SLC2A7: variants seen among roughly 807,000 people sequenced by gnomAD.
SLC2A7 encodes solute carrier family 2, facilitated glucose transporter member 7.
Under a neutral mutation model 50.5 loss-of-function variants are expected in SLC2A7, and 50 were observed. The observed-to-expected ratio is 0.99, with a 90% CI of 0.79 to 1.25. The LOEUF is 1.25. Ranked by LOEUF, SLC2A7 falls within the 50% of genes most tolerant of loss-of-function variation. The probability of loss-of-function intolerance (pLI) is 0.00; values close to 1 mark genes in which losing one functional copy is unlikely to be tolerated. For synonymous variants in SLC2A7, 308 were observed against 300.4 expected (o/e 1.03, Z -0.26); for missense variants, 683 against 679.1 (o/e 1.01, Z -0.06).
intron 5 of SLC2A7, 31 bp downstream of exon 5, chr1:9,018,192 A>G: frequency 6.2e-7 from 1 of 1,613,470 alleles, no homozygotes; most frequent in African/African-American, 1.3e-5. Flanking sequence ...GAGAGACTGG[A>G]CCTAGCGTGA....
chr1:9,024,018 G>A (rs971625145), intron 2 of SLC2A7, among the ~76,000 whole-genome samples: 6 of 151,770 alleles, frequency 4.0e-5, no homozygotes, highest in African/African-American at 1.2e-4. Context: ...ACCATGCCTG[G>A]CTAATTTTTG....
In SLC2A7 at chr1:9,003,741, C is replaced by T. The variant is rs1640609785; in HGVS notation, c.1321-223G>A. Among the ~76,000 whole-genome samples, 2 of 152,032 alleles carry T rather than the reference C, an allele frequency of 1.3e-5. 1 individual carries two copies. Among genetic ancestry groups the T allele is most frequent in the South Asian group, 4.2e-4 (2 of 4,816 alleles). On this transcript the variant is annotated intron_variant, in intron 11 of 11. Coordinates refer to ENST00000400906, the MANE Select transcript of SLC2A7 (RefSeq NM_207420.3). ...AGCATGGTGGTGTACACCTGTAATC[C>T]CAGCTACTTGGGAGTCTGAGGCAGG...
In SLC2A7 at chr1:9,009,543, A is replaced by G. The variant is rs945876252; in HGVS notation, c.1116+600T>C. On this transcript the variant is annotated intron_variant, in intron 9 of 11. Coordinates refer to ENST00000400906, the MANE Select transcript of SLC2A7 (RefSeq NM_207420.3). ...GCGATCATGGCTCACTGCAGCCTTG[A>G]CCTCCCAGGCTCAGGTGATCCTCCC... Among the ~76,000 whole-genome samples, 10 of 152,222 alleles carry G rather than the reference A, an allele frequency of 6.6e-5. No individual in the cohort carries two copies. In the East Asian group the frequency reaches 1.9e-3, roughly 29 times the overall value.
chr1:9,004,826 C>G lies in SLC2A7; in HGVS notation c.1246G>C (p.Ala416Pro), dbSNP rs764958922. 2.5e-6 allele frequency: 4 copies of G among 1,614,090 alleles called. No individual in the cohort carries two copies. Among genetic ancestry groups the G allele is most frequent in the Non-Finnish European group, 2.5e-6 (3 of 1,179,970 alleles). Reference protein sequence around the residue: ...TEIFLQSSRRAAFMVDGAVHW... With the variant: ...TEIFLQSSRRPAFMVDGAVHW... ...ACTGCCCCGTCCACCATGAAAGCTGCCCGCCGGGAGGACTGCAGGAAGATC... is the reference window on the plus strand; with the variant it reads ...ACTGCCCCGTCCACCATGAAAGCTGGCCGCCGGGAGGACTGCAGGAAGATC... Residue 416 changes from alanine to proline, a missense_variant, in exon 11 of 12, where the codon GCA becomes CCA. By Grantham distance (27) the Ala-to-Pro change is conservative. Transcript: ENST00000400906.
At chr1:9,019,850 G>C (rs1467128346) in intron 3 of SLC2A7, among the ~76,000 whole-genome samples, 1 of 152,108 alleles carries the variant, frequency 6.6e-6, no homozygotes, top group Non-Finnish European at 1.5e-5. Context: ...CTTGAATCCG[G>C]GAGGCAGAGG....
intron 9 of SLC2A7, 21 bp from the exon 10 acceptor site, chr1:9,007,406 G>C (rs1340196461): frequency 2.5e-6 from 4 of 1,613,244 alleles, no homozygotes; most frequent in East Asian, 2.2e-5. Context: ...AGGCAGGGCT[G>C]TCTGGGCTGA....
At chr1:9,001,710 G>A (rs1438047643), downstream of SLC2A7, among the ~76,000 whole-genome samples, 2 of 152,054 alleles carry the variant, frequency 1.3e-5, no homozygotes, top group Admixed American at 6.6e-5. Context: ...GAGTCACCAC[G>A]CCCGGCACTG....
Position 9,018,243 on chromosome 1 carries a change from G to T in SLC2A7, c.569C>A (p.Ala190Asp). Residue 190 changes from alanine to aspartate, a missense_variant, in exon 5 of 12, where the codon GCC becomes GAC. Transcript: ENST00000400906. ...GTTACCTGCCGGGTTGCCCAAGATG[G>T]CCTGGAGGCTGAAGATCTGTGCTAG... ...VFLAQIFSLQ[A>D]ILGNPAGWPV... 1 of 1,614,120 alleles carries T rather than the reference G, an allele frequency of 6.2e-7. No individual in the cohort carries two copies. Among genetic ancestry groups the T allele is most frequent in the Non-Finnish European group, 8.5e-7 (1 of 1,180,024 alleles).
In SLC2A7 at chr1:9,003,255, A is replaced by G. The variant is rs368633416; in HGVS notation, c.*45T>C. The G allele has an allele frequency of 2.5e-6, 4 of 1,592,078 alleles. No individual in the cohort carries two copies. In the African/African-American group the frequency reaches 5.4e-5, roughly 22 times the overall value. On this transcript the variant is annotated 3_prime_UTR_variant, in exon 12 of 12. Transcript: ENST00000400906. The stretch of plus-strand genomic sequence containing the variant: ...CTGGGGCCGGGAGGCCCATTGTCAT[A>G]GAAGGAAGCCTTGAATATGGGCTCC...
intron 2 of SLC2A7, among the ~76,000 whole-genome samples, chr1:9,023,921 T>A (rs1465352351): frequency 7.3e-6 from 1 of 136,804 alleles, no homozygotes; most frequent in African/African-American, 2.7e-5. Context: ...AGTGGCATGA[T>A]CTTGGCTCAC....
chr1:9,001,802 C>T (rs1640578884), downstream of SLC2A7, among the ~76,000 whole-genome samples: 1 of 152,118 alleles, frequency 6.6e-6, no homozygotes, highest in South Asian at 2.1e-4. Context: ...GTCTTACTCC[C>T]TTGCCTGTGG....
At chr1:8,996,237 G>T in the SLC2A7 span, among the ~76,000 whole-genome samples, 1 of 152,118 alleles carries the variant, frequency 6.6e-6, no homozygotes, top group East Asian at 1.9e-4. Flanking sequence ...AGATTAGTTT[G>T]CATTTTCTGG....
intron 2 of SLC2A7, among the ~76,000 whole-genome samples, chr1:9,023,744 T>TA (rs1054654800): frequency 1.6e-4 from 20 of 122,750 alleles, no homozygotes; most frequent in South Asian, 2.9e-4. Context: ...CTGTCTCTAT[T>TA]AAAAAAGAAG....
downstream of SLC2A7, among the ~76,000 whole-genome samples, chr1:9,000,916 C>A (rs556205574): frequency 2.9e-4 from 44 of 152,184 alleles, no homozygotes; most frequent in African/African-American, 1.1e-3. Context: ...GACAGCTCTG[C>A]TCCTGGGCCT....
chr1:8,992,655 T>G, the SLC2A7 span, among the ~76,000 whole-genome samples: 862 of 152,324 alleles, frequency 5.7e-3, 12 homozygotes, highest in African/African-American at 0.02. Flanking sequence ...CACACAAGTT[T>G]TAGCAACACA....
chr1:9,023,138 A>C, intron 2 of SLC2A7, 60 bp from the exon 3 acceptor site: 2 of 1,545,846 alleles, frequency 1.3e-6, no homozygotes, highest in Non-Finnish European at 1.8e-6. Context: ...GAAATGAGAA[A>C]GTGTTCTCAG....
chr1:9,001,419 A>ATT (rs767748961), downstream of SLC2A7, among the ~76,000 whole-genome samples: 72 of 124,296 alleles, frequency 5.8e-4, no homozygotes, highest in East Asian at 9.4e-4. Flanking sequence ...TGCAGGTGCT[A>ATT]TTTTTTTTTT....
intron 5 of SLC2A7, among the ~76,000 whole-genome samples, chr1:9,017,654 T>C (rs1480142482): frequency 1.3e-5 from 2 of 152,246 alleles, no homozygotes; most frequent in African/African-American, 2.4e-5. Context: ...TCTGGTTAAA[T>C]ATGTTTGCAT....
chr1:8,999,264 T>G (rs2124227519), downstream of SLC2A7, among the ~76,000 whole-genome samples: 1 of 152,290 alleles, frequency 6.6e-6, no homozygotes, highest in Admixed American at 6.5e-5. Context: ...CCCAAAGTGC[T>G]GTGATTATAG....
Sources: gnomAD v4.1 joint callset for allele counts (sites outside exome capture counted in the v4.1 genomes callset) on GRCh38, gnomAD v4.1.1 for gene constraint, MANE v1.5 for transcripts, NCBI Gene and HGNC (gene_info 2026-07-23, HGNC 2026-07-21) for gene names.